CCDC192: variants seen among roughly 807,000 people sequenced by gnomAD.
CCDC192 encodes coiled-coil domain-containing protein 192.
chr5:127,747,337 A>G (rs1341717530), intron 2 of CCDC192, among the ~76,000 whole-genome samples: 1 of 150,992 alleles, frequency 6.6e-6, no homozygotes, highest in East Asian at 2.0e-4. Flanking sequence ...ATTCCCACCT[A>G]TGAGTGAGAA....
intron 6 of CCDC192, among the ~76,000 whole-genome samples, chr5:127,897,707 T>G (rs1752932497): frequency 6.6e-6 from 1 of 151,562 alleles, no homozygotes; most frequent in South Asian, 2.1e-4. Context: ...AGGATTCTCA[T>G]TTTTTTTTCT....
intron 5 of CCDC192, among the ~76,000 whole-genome samples, chr5:127,846,132 T>C (rs1032223578): frequency 1.3e-5 from 2 of 151,814 alleles, no homozygotes; most frequent in African/African-American, 4.8e-5. Flanking sequence ...CTATTAAAAA[T>C]ACAAAAATTA....
At chr5:127,726,782 C>T (rs1001122187) in intron 2 of CCDC192, among the ~76,000 whole-genome samples, 2 of 152,208 alleles carry the variant, frequency 1.3e-5, no homozygotes, top group African/African-American at 4.8e-5. Context: ...GGATGAAACC[C>T]TGGGGTAAGG....
intron 5 of CCDC192, among the ~76,000 whole-genome samples, chr5:127,864,880 G>A (rs1751535817): frequency 6.6e-6 from 1 of 152,190 alleles, no homozygotes. Flanking sequence ...GGGCATGGTG[G>A]TTCACGCCTG....
At chr5:127,755,037 G>A (rs1754497122) in intron 3 of CCDC192, among the ~76,000 whole-genome samples, 1 of 152,180 alleles carries the variant, frequency 6.6e-6, no homozygotes. Flanking sequence ...AAATAGTGCA[G>A]CTATTGTTGC....
At chr5:127,793,552 G>C (rs1008326592) in intron 3 of CCDC192, among the ~76,000 whole-genome samples, 1 of 152,094 alleles carries the variant, frequency 6.6e-6, no homozygotes, top group Non-Finnish European at 1.5e-5. Flanking sequence ...AGACAAATGA[G>C]GGCCCAAATC....
chr5:127,744,597 C>T (rs1753631078), intron 2 of CCDC192, among the ~76,000 whole-genome samples: 1 of 152,154 alleles, frequency 6.6e-6, no homozygotes, highest in Non-Finnish European at 1.5e-5. Flanking sequence ...ATTTAAAAAT[C>T]TTGCTCTTAA....
At chr5:127,933,545 T>A (rs1176113840) in intron 6 of CCDC192, among the ~76,000 whole-genome samples, 1 of 152,196 alleles carries the variant, frequency 6.6e-6, no homozygotes, top group Non-Finnish European at 1.5e-5. Context: ...ACATGAGTGA[T>A]GCGAGTGGTT....
At chr5:127,785,746 C>T in intron 3 of CCDC192, 1 of 229,464 alleles carries the variant, frequency 4.4e-6, no homozygotes, top group South Asian at 7.6e-5. Context: ...CATCTGTGTT[C>T]TTGGAACTTT....
chr5:127,747,669 G>A (rs1228193647), intron 2 of CCDC192, among the ~76,000 whole-genome samples: 1 of 152,060 alleles, frequency 6.6e-6, no homozygotes, highest in South Asian at 2.1e-4. Context: ...CTAGATCCCT[G>A]GGGAATCACC....
At chr5:127,941,057 G>C (rs1754387031) in intron 6 of CCDC192, 125 bp from the exon 7 acceptor site, 1 of 397,130 alleles carries the variant, frequency 2.5e-6, no homozygotes, top group African/African-American at 2.1e-5. Context: ...TATCTAACCA[G>C]ATGATGCAAC....
intron 6 of CCDC192, among the ~76,000 whole-genome samples, chr5:127,924,130 A>C (rs185876143): frequency 6.6e-5 from 10 of 152,366 alleles, no homozygotes; most frequent in Admixed American, 2.0e-4. Context: ...ACCTTACTTA[A>C]TTGATTAAAG....
At chr5:127,869,874 C>T (rs570643253) in intron 5 of CCDC192, among the ~76,000 whole-genome samples, 1 of 152,220 alleles carries the variant, frequency 6.6e-6, no homozygotes, top group Non-Finnish European at 1.5e-5. Context: ...AGTTGGGACT[C>T]AGATGGGAGG....
intron 2 of CCDC192, among the ~76,000 whole-genome samples, chr5:127,738,950 A>G (rs953419837): frequency 1.3e-5 from 2 of 151,768 alleles, no homozygotes; most frequent in African/African-American, 4.8e-5. Context: ...TTCTCCATCC[A>G]GCTTTGTTCC....
intron 3 of CCDC192, among the ~76,000 whole-genome samples, chr5:127,782,114 G>T (rs769205365): frequency 2.0e-5 from 3 of 151,980 alleles, no homozygotes; most frequent in African/African-American, 4.8e-5. Context: ...CTGTTTTTGT[G>T]GTGCATCACA....
At chr5:127,776,094 C>T (rs1263349810) in intron 3 of CCDC192, among the ~76,000 whole-genome samples, 1 of 152,154 alleles carries the variant, frequency 6.6e-6, no homozygotes, top group Non-Finnish European at 1.5e-5. Flanking sequence ...TACTTTGGAA[C>T]TGGGTAATGG....
At chr5:127,795,774 TAAC>T (rs900951785) in intron 3 of CCDC192, among the ~76,000 whole-genome samples, 6 of 152,094 alleles carry the variant, frequency 3.9e-5, no homozygotes, top group African/African-American at 1.2e-4. Context: ...AGATTTTTTT[TAAC>T]CCAAAGGATA....
intron 2 of CCDC192, among the ~76,000 whole-genome samples, chr5:127,708,865 G>A (rs1751120957): frequency 6.6e-6 from 1 of 152,040 alleles, no homozygotes; most frequent in South Asian, 2.1e-4. Context: ...CAGAAGTTCT[G>A]GCCTACCAGT....
Position 127,709,149 on chromosome 5 carries a change from AAGAG to A in CCDC192, c.114+1398_114+1401del, listed in dbSNP as rs36016291. Among the ~76,000 whole-genome samples the A allele has an allele frequency of 2.3e-4, 24 of 105,062 alleles. 1 individual carries two copies. The highest frequency in any genetic ancestry group is 2.1e-3 in the South Asian group (5 of 2,428). The allele number at this position is 105,062 out of a possible 152,430, so 68.9% of individuals were successfully genotyped here. On this transcript the variant is annotated intron_variant, in intron 2 of 6. Transcript: ENST00000514853. ...GGAGAGGGAGAGGGAGGAGAGAAAGAAGAGAGAGAGAGGGGGAGAGGGGGAGAGA... is the reference window on the plus strand; with the variant it reads ...GGAGAGGGAGAGGGAGGAGAGAAAGAAGAGAGAGGGGGAGAGGGGGAGAGA...
Sources: gnomAD v4.1 joint callset for allele counts (sites outside exome capture counted in the v4.1 genomes callset) on GRCh38, gnomAD v4.1.1 for gene constraint, MANE v1.5 for transcripts, NCBI Gene and HGNC (gene_info 2026-07-23, HGNC 2026-07-21) for gene names.